ARHGEF4: variants seen among roughly 807,000 people sequenced by gnomAD.
ARHGEF4 encodes the protein APC-stimulated guanine nucleotide exchange factor 1.
ARHGEF4 carries 119 observed loss-of-function variants against 162.0 expected under a neutral mutation model. That is an observed-to-expected ratio of 0.73 (90% confidence interval 0.63 to 0.86). ARHGEF4 has a LOEUF of 0.86. ARHGEF4 is among the 40% of genes least tolerant of loss of function. The pLI is 0.00. For missense variants in ARHGEF4, 2,488 were observed against 2,456.0 expected (o/e 1.01, Z -0.28); for synonymous variants, 1,014 against 979.9 (o/e 1.03, Z -0.65).
intron 4 of ARHGEF4, among the ~76,000 whole-genome samples, chr2:130,955,206 GT>G (rs1158326629): frequency 1.3e-5 from 2 of 151,968 alleles, no homozygotes; most frequent in African/African-American, 4.8e-5. Context: ...TTTTAATCAT[GT>G]TTCCTTTAGT....
At position 130,977,901 on chromosome 2, in the gene ARHGEF4, G is replaced by T. The variant is rs533808900; in HGVS notation, c.3985+31266G>T. ...TTAATCAGGTGCAGCAGCCAAGGAG[G>T]TGGGAGCTCAGGCTCAAATCCATCT... On this transcript the variant is annotated intron_variant, in intron 4 of 13. Coordinates refer to ENST00000409359, the MANE Select transcript of ARHGEF4 (RefSeq NM_001367493.1). Among the ~76,000 whole-genome samples, 10 of 152,254 alleles carry T rather than the reference G, an allele frequency of 6.6e-5. No homozygotes were observed. The South Asian group carries it at 1.9e-3, about 28-fold the overall frequency.
intron 4 of ARHGEF4, among the ~76,000 whole-genome samples, chr2:130,960,373 C>T (rs780791522): frequency 2.0e-5 from 3 of 152,174 alleles, no homozygotes; most frequent in Admixed American, 6.5e-5. Flanking sequence ...AGAATACTTA[C>T]CATTGTGTTA....
At position 131,035,337 on chromosome 2, in the gene ARHGEF4, C is replaced by G. The variant is rs1454264137; in HGVS notation, c.4126-3516C>G. On this transcript the variant is annotated intron_variant, in intron 5 of 13. Transcript: ENST00000409359. ...TCCAGCCGTTGCCACCCGCGGCCTC[C>G]GCACTGGTCGCGGAGGGAAGGCCTC... 7.9e-6 allele frequency: 9 copies of G among 1,141,156 alleles called. No individual in the cohort carries two copies. The East Asian group carries it at 3.4e-4, about 43-fold the overall frequency. The allele number at this position is 1,141,156 out of a possible 1,614,324, so 70.7% of individuals were successfully genotyped here.
intron 4 of ARHGEF4, among the ~76,000 whole-genome samples, chr2:130,988,895 T>G (rs376393752): frequency 0.021 from 2,325 of 108,890 alleles, 31 homozygotes; most frequent in African/African-American, 0.036. Context: ...TATATATATA[T>G]ATATATAGAG....
At chr2:130,922,371 CAAAA>C (rs879394025) in intron 2 of ARHGEF4, among the ~76,000 whole-genome samples, 1 of 134,956 alleles carries the variant, frequency 7.4e-6, no homozygotes, top group African/African-American at 2.7e-5. Flanking sequence ...AACTCTGTCT[CAAAA>C]AAAAAAAAAG....
chr2:130,953,594 G>GA (rs1245989869), intron 4 of ARHGEF4, among the ~76,000 whole-genome samples: 1 of 152,128 alleles, frequency 6.6e-6, no homozygotes, highest in Non-Finnish European at 1.5e-5. Context: ...CACAGCAAAA[G>GA]AAACTACCAT....
In ARHGEF4 at chr2:131,041,375, A is replaced by G; in HGVS notation, c.4808A>G (p.Asp1603Gly). 5 of 1,613,474 alleles carry G rather than the reference A, an allele frequency of 3.1e-6. No individual in the cohort carries two copies. Among genetic ancestry groups the G allele is most frequent in the Non-Finnish European group, 4.2e-6 (5 of 1,180,030 alleles). ...LLQKMIDISL[D>G]GFLLTPVQKI... ...CAGAAGATGATTGACATCTCCCTGG[A>G]TGGCTTCCTGCTGACTCCGGTGCAG... is the stretch of plus-strand genomic sequence containing the variant. Residue 1603 changes from aspartate (D) to glycine (G), a missense_variant, in exon 9 of 14, where the codon GAT becomes GGT. Physicochemically the swap from Asp to Gly is moderately conservative, Grantham distance 94 (BLOSUM62 -1). Around this residue, in one of 6 missense-constraint regions of ARHGEF4, gnomAD observed 415 missense variants for 512.4 expected, o/e 0.81. Coordinates refer to ENST00000409359, the MANE Select transcript of ARHGEF4 (RefSeq NM_001367493.1).
At chr2:130,997,090 A>G (rs1687439396) in intron 4 of ARHGEF4, among the ~76,000 whole-genome samples, 1 of 152,158 alleles carries the variant, frequency 6.6e-6, no homozygotes, top group Admixed American at 6.5e-5. Flanking sequence ...TTGTGCTATT[A>G]CTAAAGAAGT....
At position 130,962,227 on chromosome 2, in the gene ARHGEF4, G is replaced by A. The variant is rs552225696; in HGVS notation, c.3985+15592G>A. Among the ~76,000 whole-genome samples the A allele has an allele frequency of 4.0e-5, 4 of 99,252 alleles. No homozygotes were observed. The East Asian group carries it at 9.2e-4, about 23-fold the overall frequency. The allele number at this position is 99,252 out of a possible 152,430, so 65.1% of individuals were successfully genotyped here. On this transcript the variant is annotated intron_variant, in intron 4 of 13. Transcript: ENST00000409359. ...GCACTCCAGCCTGGCGACAGAGCAA[G>A]TTTCCGTTTCAAAAAAAAAAAAAAA...
At chr2:131,014,424 C>T (rs1878640) in intron 4 of ARHGEF4, among the ~76,000 whole-genome samples, 120,633 of 152,174 alleles carry the variant, frequency 0.79, 50,464 homozygotes, top group Non-Finnish European at 0.91. Context: ...AAGACCTGAC[C>T]TTTGACTGAT....
At chr2:130,923,363 A>G (rs1682012452) in intron 2 of ARHGEF4, among the ~76,000 whole-genome samples, 2 of 152,210 alleles carry the variant, frequency 1.3e-5, no homozygotes, top group African/African-American at 4.8e-5. Context: ...CTTGCTTATT[A>G]CATGTAGGTC....
chr2:130,890,069 G>A (rs1187716272), intron 1 of ARHGEF4, among the ~76,000 whole-genome samples: 2 of 152,022 alleles, frequency 1.3e-5, no homozygotes, highest in Non-Finnish European at 2.9e-5. Context: ...TTTAGGGGTG[G>A]ATTTCCCACT....
chr2:130,886,843 T>A (rs947065315), intron 1 of ARHGEF4, among the ~76,000 whole-genome samples: 1 of 152,006 alleles, frequency 6.6e-6, no homozygotes, highest in Non-Finnish European at 1.5e-5. Context: ...TTGGTAATTT[T>A]TTTTTTTGTA....
chr2:130,844,781 G>A (rs766597143), intron 1 of ARHGEF4, among the ~76,000 whole-genome samples: 4 of 151,750 alleles, frequency 2.6e-5, no homozygotes, highest in South Asian at 4.2e-4. Context: ...GCTATCCCCC[G>A]CCAACCTCTA....
At chr2:131,044,096 A>G (rs1255733949) in intron 11 of ARHGEF4, among the ~76,000 whole-genome samples, 2 of 152,128 alleles carry the variant, frequency 1.3e-5, no homozygotes, top group African/African-American at 4.8e-5. Flanking sequence ...CCTGCAAAAT[A>G]AAGGAGCAAG....
chr2:130,965,256 G>A (rs1343367137), intron 4 of ARHGEF4, among the ~76,000 whole-genome samples: 2 of 152,180 alleles, frequency 1.3e-5, no homozygotes, highest in Admixed American at 6.5e-5. Flanking sequence ...GAGCAAGGTC[G>A]GCTCTGGCTG....
At position 130,916,082 on chromosome 2, in the gene ARHGEF4, G is replaced by A. The variant is rs549427048; in HGVS notation, c.2136G>A (p.Glu712=). 6.5e-5 allele frequency: 100 copies of A among 1,550,342 alleles called. No individual in the cohort carries two copies. In the African/African-American group the frequency reaches 1.2e-3, roughly 19 times the overall value. ...GALQRVAQAA[E]LGRVLVPQAA... is the part of the protein sequence containing the mutation. ...TTCAGCGGGTGGCCCAGGCCGCAGA[G>A]CTTGGGAGAGTGCTGGTCCCCCAAG... Residue 712 remains glutamate (E), a synonymous_variant, in exon 2 of 14, where the codon GAG becomes GAA. Transcript: ENST00000409359.
intron 1 of ARHGEF4, among the ~76,000 whole-genome samples, chr2:130,864,337 G>T (rs914381087): frequency 6.6e-6 from 1 of 151,290 alleles, no homozygotes; most frequent in Non-Finnish European, 1.5e-5. Context: ...CCCAGGATCA[G>T]CAGGTCTATA....
At chr2:130,965,188 G>A (rs960638986) in intron 4 of ARHGEF4, among the ~76,000 whole-genome samples, 4 of 152,212 alleles carry the variant, frequency 2.6e-5, no homozygotes, top group Admixed American at 2.6e-4. Flanking sequence ...AAAGCCAGAG[G>A]AGCAGAGGGC....
Sources: allele counts gnomAD v4.1 joint callset (sites outside exome capture counted in the v4.1 genomes callset), GRCh38; gene constraint gnomAD v4.1.1; regional missense constraint gnomAD v4.1.1; transcripts MANE v1.5; gene names NCBI Gene and HGNC (gene_info 2026-07-23, HGNC 2026-07-21).